Variants in DGKI observed in about 807,000 individuals in gnomAD.
DGKI encodes the protein DAG kinase iota.
In DGKI, 55 loss-of-function variants were observed where a neutral mutation model predicts 147.5. The ratio of observed to expected loss-of-function variants is 0.37; its 90% CI spans 0.30 to 0.47. DGKI has a LOEUF of 0.47. DGKI is among the 20% of genes least tolerant of loss of function. The pLI, the probability that DGKI is intolerant of heterozygous loss-of-function variation, is 1.00. For synonymous variants in DGKI, 469 were observed against 477.1 expected, an observed-to-expected ratio of 0.98 and a Z score of 0.22; for missense variants, 1,007 against 1,323.8, an observed-to-expected ratio of 0.76 and a Z score of 3.71.
At chr7:137,523,611 G>C (rs887009981) in intron 20 of DGKI, among the ~76,000 whole-genome samples, 2 of 152,076 alleles carry the variant, frequency 1.3e-5, no homozygotes, top group Non-Finnish European at 2.9e-5. Context: ...ATATTTCTGG[G>C]GGAAATTTGA....
intron 32 of DGKI, among the ~76,000 whole-genome samples, chr7:137,392,046 T>C (rs567567219): frequency 2.0e-5 from 3 of 152,322 alleles, no homozygotes; most frequent in African/African-American, 7.2e-5. Flanking sequence ...GTCTTTTATA[T>C]GCCTCTATAC....
At chr7:137,712,454 T>G (rs1242410678) in intron 1 of DGKI, among the ~76,000 whole-genome samples, 1 of 152,200 alleles carries the variant, frequency 6.6e-6, no homozygotes, top group African/African-American at 2.4e-5. Flanking sequence ...ATTCTAGTAA[T>G]GATCTCAAGA....
chr7:137,446,258 C>T (rs1247568798), intron 27 of DGKI, among the ~76,000 whole-genome samples: 2 of 152,216 alleles, frequency 1.3e-5, no homozygotes, highest in East Asian at 1.9e-4. Flanking sequence ...ACGCATTCTG[C>T]AGTATGTCCA....
At position 137,388,988 on chromosome 7, in the gene DGKI, G is replaced by A. The variant is rs1457410520; in HGVS notation, c.*2232C>T. The A allele has an allele frequency of 6.6e-6, 1 of 152,114 alleles. No individual in the cohort carries two copies. The highest frequency in any genetic ancestry group is 1.5e-5 in the Non-Finnish European group (1 of 68,026). The allele number at this position is 152,114 out of a possible 1,614,324, so 9.4% of individuals were successfully genotyped here. On this transcript the variant is annotated 3_prime_UTR_variant, in exon 33 of 33. Coordinates refer to ENST00000614521, the MANE Select transcript of DGKI (RefSeq NM_001321708.2). ...GTATTTAGAGAAATGTGAGATGGTA[G>A]TTGATGAAAACAGAGTTCTTCATCC...
chr7:137,433,404 AAGAGG>A (rs1342713734), intron 28 of DGKI, among the ~76,000 whole-genome samples: 8 of 152,220 alleles, frequency 5.3e-5, no homozygotes, highest in Admixed American at 5.2e-4. Flanking sequence ...AGTCCTTTGC[AAGAGG>A]AGGCCACCAA....
At chr7:137,442,681 T>C (rs1464473363) in intron 28 of DGKI, among the ~76,000 whole-genome samples, 1 of 152,228 alleles carries the variant, frequency 6.6e-6, no homozygotes, top group African/African-American at 2.4e-5. Flanking sequence ...TGATTCTTCA[T>C]AGAGAATAAC....
intron 3 of DGKI, among the ~76,000 whole-genome samples, chr7:137,666,024 TC>T (rs1822627860): frequency 6.6e-6 from 1 of 152,324 alleles, no homozygotes; most frequent in East Asian, 1.9e-4. Context: ...GAATGATACA[TC>T]CATCGTGTTT....
At chr7:137,638,572 A>ATATGTATATATACACATATATACATT (rs1821471395) in intron 6 of DGKI, among the ~76,000 whole-genome samples, 1 of 40,950 alleles carries the variant, frequency 2.4e-5, no homozygotes, top group African/African-American at 5.5e-5. Flanking sequence ...ATACACACAT[A>ATATGTATATATACACATATATACATT]TATGTATATA....
intron 1 of DGKI, among the ~76,000 whole-genome samples, chr7:137,841,410 A>G (rs1440547797): frequency 6.6e-6 from 1 of 152,248 alleles, no homozygotes; most frequent in Non-Finnish European, 1.5e-5. Flanking sequence ...TTTTAATGAA[A>G]AAAAGTTTTA....
chr7:137,572,330 A>G (rs761403104), intron 18 of DGKI, among the ~76,000 whole-genome samples: 2 of 152,138 alleles, frequency 1.3e-5, no homozygotes, highest in Non-Finnish European at 2.9e-5. Context: ...AACTCATCCT[A>G]TTTTTCAAAG....
At chr7:137,810,782 T>A (rs1229670351) in intron 1 of DGKI, among the ~76,000 whole-genome samples, 2 of 150,410 alleles carry the variant, frequency 1.3e-5, no homozygotes, top group Admixed American at 1.3e-4. Context: ...CAAATAAACA[T>A]TCCATCCCAC....
intron 11 of DGKI, among the ~76,000 whole-genome samples, chr7:137,598,122 G>A (rs890681117): frequency 3.3e-5 from 5 of 152,156 alleles, no homozygotes; most frequent in Non-Finnish European, 7.3e-5. Flanking sequence ...ATTTTTGAAT[G>A]AATAATTCAA....
chr7:137,655,034 C>T (rs910647808), intron 4 of DGKI, among the ~76,000 whole-genome samples: 17 of 152,188 alleles, frequency 1.1e-4, no homozygotes, highest in Non-Finnish European at 2.2e-4. Flanking sequence ...TATCTTTAAA[C>T]GATAATGCTC....
intron 1 of DGKI, among the ~76,000 whole-genome samples, chr7:137,725,929 A>G (rs1329701462): frequency 6.6e-6 from 1 of 152,156 alleles, no homozygotes; most frequent in Admixed American, 6.6e-5. Context: ...ATCAGCTCCT[A>G]TTTTTATAGC....
chr7:137,670,551 C>G (rs1943353892), intron 3 of DGKI, among the ~76,000 whole-genome samples: 1 of 152,226 alleles, frequency 6.6e-6, no homozygotes, highest in Admixed American at 6.5e-5. Context: ...CTCTCCCTCT[C>G]TCATATCCAC....
At chr7:137,758,191 T>G (rs780859973) in intron 1 of DGKI, among the ~76,000 whole-genome samples, 3 of 152,188 alleles carry the variant, frequency 2.0e-5, no homozygotes, top group Non-Finnish European at 4.4e-5. Flanking sequence ...AGCAATGATA[T>G]CTGAAACACC....
chr7:137,466,165 T>A, intron 25 of DGKI, 130 bp from the exon 26 acceptor site: 2 of 1,141,506 alleles, frequency 1.8e-6, no homozygotes, highest in Non-Finnish European at 2.5e-6. Flanking sequence ...CAGTTGGTGA[T>A]CCTCCCCAAA....
intron 1 of DGKI, chr7:137,775,016 T>A (rs889643114): frequency 6.6e-6 from 1 of 152,110 alleles, no homozygotes; most frequent in African/African-American, 2.4e-5. Flanking sequence ...TCCAGGCAGG[T>A]CTCCTCACAC....
chr7:137,527,198 A>G (rs1468769901), intron 20 of DGKI, among the ~76,000 whole-genome samples: 1 of 152,216 alleles, frequency 6.6e-6, no homozygotes, highest in Non-Finnish European at 1.5e-5. Flanking sequence ...TATATAAGGC[A>G]GTTAGCACCT....
Sources: allele counts gnomAD v4.1 joint callset (sites outside exome capture counted in the v4.1 genomes callset), GRCh38; gene constraint gnomAD v4.1.1; transcripts MANE v1.5; gene names NCBI Gene and HGNC (gene_info 2026-07-23, HGNC 2026-07-21).